Variants in CFAP221 observed in about 807,000 individuals in gnomAD.
CFAP221 encodes the protein cilia and flagella associated protein 221, also known as cilia- and flagella-associated protein 221.
A neutral mutation model predicts 113.1 loss-of-function variants in CFAP221; 97 were observed. The ratio of observed to expected loss-of-function variants is 0.86; its 90% CI spans 0.73 to 1.02. The LOEUF (loss-of-function observed/expected upper bound fraction) is 1.02. CFAP221 is among the 50% of genes least tolerant of loss of function. The probability of loss-of-function intolerance (pLI) is 0.00; values close to 1 mark genes in which losing one functional copy is unlikely to be tolerated. For missense variants in CFAP221, 1,025 were observed against 1,013.4 expected (o/e 1.01, Z -0.16); for synonymous variants, 331 against 354.4 (o/e 0.93, Z 0.74).
intron 19 of CFAP221, chr2:119,631,139 TATA>T (rs1189106272): frequency 6.5e-6 from 7 of 1,080,818 alleles, no homozygotes; most frequent in Non-Finnish European, 8.3e-6. Context: ...TCTAAATATC[TATA>T]ATATGTACAT....
chr2:119,634,437 G>A (rs1447950392), intron 19 of CFAP221, among the ~76,000 whole-genome samples: 2 of 152,222 alleles, frequency 1.3e-5, no homozygotes, highest in Middle Eastern at 3.4e-3. Flanking sequence ...ACTGCACTCC[G>A]GCCTGGGTGA....
intron 11 of CFAP221, 21 bp from the exon 12 acceptor site, chr2:119,608,481 G>GTTT (rs5833792): frequency 1.4e-3 from 1,625 of 1,188,878 alleles, no homozygotes; most frequent in South Asian, 3.4e-3. Context: ...TCTGGACACA[G>GTTT]TTTTTTTTTT....
At position 119,604,899 on chromosome 2, in the gene CFAP221, A is replaced by T. The variant is rs911514076; in HGVS notation, c.936A>T (p.Arg312Ser). 1 of 1,614,000 alleles carries T rather than the reference A, an allele frequency of 6.2e-7. No homozygotes were observed. The highest frequency in any genetic ancestry group is 8.5e-7 in the Non-Finnish European group (1 of 1,180,026). Reference protein sequence around the residue: ...KVKEIEYQNLRFPVDLSNPFA... With the variant: ...KVKEIEYQNLSFPVDLSNPFA... ...AGGAAATTGAGTACCAGAACCTCAG[A>T]TTTCCAGTAGATTTATCGAATCCAT... Residue 312 changes from arginine to serine, a missense_variant, in exon 10 of 24, where the codon AGA (arginine) becomes AGT (serine). By Grantham distance (110) the Arg-to-Ser change is moderately radical (BLOSUM62 -1). Coordinates refer to ENST00000413369, the MANE Select transcript of CFAP221 (RefSeq NM_001271049.2).
At chr2:119,549,047 G>C in intron 2 of CFAP221, 38 bp from the exon 3 acceptor site, 1 of 1,284,612 alleles carries the variant, frequency 7.8e-7, no homozygotes, top group South Asian at 1.5e-5. Context: ...TATTTTCTTT[G>C]ATGTCTCATG....
intron 7 of CFAP221, among the ~76,000 whole-genome samples, chr2:119,598,217 T>A (rs1684123537): frequency 6.6e-6 from 1 of 152,242 alleles, no homozygotes; most frequent in African/African-American, 2.4e-5. Context: ...AAATTTTTTT[T>A]AATGTTCCCC....
At chr2:119,555,152 G>C (rs1314244260) in intron 3 of CFAP221, among the ~76,000 whole-genome samples, 2 of 152,172 alleles carry the variant, frequency 1.3e-5, no homozygotes, top group African/African-American at 4.8e-5. Flanking sequence ...TTTATGTGTG[G>C]TTGATGGTTT....
At position 119,630,830 on chromosome 2, in the gene CFAP221, A is replaced by C. The variant is rs1360701425; in HGVS notation, c.1903A>C (p.Thr635Pro). 1 of 1,613,946 alleles carries C rather than the reference A, an allele frequency of 6.2e-7. No homozygotes were observed. Among genetic ancestry groups the C allele is most frequent in the Admixed American group, 1.7e-5 (1 of 60,026 alleles). ...CTCCACAACTCAGCTCTCTGGCAAA[A>C]CATCAGTCTTGAGCATGAAACCACC... ...QDSTTQLSGK[T>P]SVLSMKPPEA... Residue 635 changes from threonine (T) to proline (P), a missense_variant, in exon 19 of 24, where the codon ACA (threonine) becomes CCA (proline). By Grantham distance (38) the Thr-to-Pro change is conservative (BLOSUM62 -1). Coordinates refer to ENST00000413369, the MANE Select transcript of CFAP221 (RefSeq NM_001271049.2).
At chr2:119,561,194 G>C (rs570332293) in intron 5 of CFAP221, among the ~76,000 whole-genome samples, 22 of 152,204 alleles carry the variant, frequency 1.4e-4, no homozygotes, top group Admixed American at 5.2e-4. Context: ...GGAGGCTGAG[G>C]CAGGAGAATC....
chr2:119,652,061 G>A lies in CFAP221; in HGVS notation c.2406G>A (p.Arg802=), dbSNP rs776565892. 1 of 1,610,366 alleles carries A rather than the reference G, an allele frequency of 6.2e-7. No individual in the cohort carries two copies. Among genetic ancestry groups the A allele is most frequent in the Non-Finnish European group, 8.5e-7 (1 of 1,177,208 alleles). Residue 802 remains arginine (R), a synonymous_variant, in exon 23 of 24, where the codon AGG becomes AGA. Transcript: ENST00000413369. The stretch of plus-strand genomic sequence containing the variant: ...CTATGTTGAACTACAAGGACATCAG[G>A]AAGGAGAAGTAAGTGGATGCTTTTA... The part of the protein sequence containing the change: ...EFPMLNYKDI[R]KEKEVKDQAQ...
intron 7 of CFAP221, among the ~76,000 whole-genome samples, chr2:119,598,498 C>G (rs1684145875): frequency 6.6e-6 from 1 of 152,204 alleles, no homozygotes; most frequent in Non-Finnish European, 1.5e-5. Flanking sequence ...GCTCACCACC[C>G]TCCATGTCCT....
At chr2:119,567,818 G>A (rs1044078435) in intron 6 of CFAP221, among the ~76,000 whole-genome samples, 9 of 152,172 alleles carry the variant, frequency 5.9e-5, no homozygotes, top group Non-Finnish European at 1.3e-4. Flanking sequence ...ATATTTGTTA[G>A]TTTTGTAATT....
chr2:119,591,770 G>T (rs1233059376), intron 7 of CFAP221, among the ~76,000 whole-genome samples: 1 of 152,168 alleles, frequency 6.6e-6, no homozygotes, highest in African/African-American at 2.4e-5. Context: ...CTCTCACCCT[G>T]CTGGGAAAGC....
At chr2:119,593,560 C>T (rs892474547) in intron 7 of CFAP221, among the ~76,000 whole-genome samples, 4 of 152,100 alleles carry the variant, frequency 2.6e-5, no homozygotes, top group African/African-American at 4.8e-5. Flanking sequence ...GCTCTCTTGG[C>T]CGGGCATGGT....
chr2:119,618,289 G>A (rs1685661955), intron 14 of CFAP221, among the ~76,000 whole-genome samples: 1 of 152,164 alleles, frequency 6.6e-6, no homozygotes, highest in South Asian at 2.1e-4. Flanking sequence ...GAGCCATTTG[G>A]GCTGGCAATA....
chr2:119,557,319 C>A (rs926344219), intron 3 of CFAP221: 2 of 152,236 alleles, frequency 1.3e-5, no homozygotes, highest in Non-Finnish European at 2.9e-5. Context: ...TGAACACTTA[C>A]TAGCAAGCAG....
At chr2:119,652,918 G>T (rs574991748) in intron 23 of CFAP221, among the ~76,000 whole-genome samples, 2 of 148,510 alleles carry the variant, frequency 1.3e-5, no homozygotes, top group South Asian at 4.2e-4. Context: ...ATTTTGTTGT[G>T]TGGTCTTCCA....
In CFAP221 at chr2:119,629,950, C is replaced by G; in HGVS notation, c.1726C>G (p.Leu576Val). ...QIKQSYSFFN[L>V]QVPQLYKIKR... ...CAAGCAGAGTTATTCCTTCTTCAAT[C>G]TGCAGGTCAGACCTGTCACATAAAT... The change falls in exon 17 of 24, where the codon CTG (leucine) becomes GTG (valine). Residue 576 changes from leucine (L) to valine (V), a missense_variant. Coordinates refer to ENST00000413369, the MANE Select transcript of CFAP221 (RefSeq NM_001271049.2). 6.2e-7 allele frequency: 1 copy of G among 1,609,690 alleles called. No homozygotes were observed. Among genetic ancestry groups the G allele is most frequent in the Non-Finnish European group, 8.5e-7 (1 of 1,176,044 alleles).
intron 7 of CFAP221, among the ~76,000 whole-genome samples, chr2:119,596,268 A>G (rs907665911): frequency 1.3e-5 from 2 of 152,106 alleles, no homozygotes; most frequent in African/African-American, 4.8e-5. Context: ...GATGGAGTGA[A>G]TGGGCTCCAG....
chr2:119,576,598 T>G (rs779397885), intron 6 of CFAP221, among the ~76,000 whole-genome samples: 1 of 152,252 alleles, frequency 6.6e-6, no homozygotes, highest in Non-Finnish European at 1.5e-5. Context: ...CGTTTCTTTA[T>G]GTAAATTTGT....
Sources: allele counts gnomAD v4.1 joint callset (sites outside exome capture counted in the v4.1 genomes callset), GRCh38; gene constraint gnomAD v4.1.1; transcripts MANE v1.5; gene names NCBI Gene and HGNC (gene_info 2026-07-23, HGNC 2026-07-21).